The following IFT122 variants were observed in gnomAD, a reference collection of about 807,000 sequenced individuals.
IFT122 encodes intraflagellar transport protein 122 homolog.
IFT122 carries 118 observed loss-of-function variants against 161.6 expected under a neutral mutation model. The ratio of observed to expected loss-of-function variants is 0.73; its 90% CI spans 0.63 to 0.85. The LOEUF (loss-of-function observed/expected upper bound fraction) is 0.85. Ranked by LOEUF, IFT122 falls within the 40% of genes least tolerant of loss-of-function variation. The pLI is 0.00. For synonymous variants in IFT122, 550 were observed against 602.4 expected, an observed-to-expected ratio of 0.91 and a Z score of 1.27; for missense variants, 1,381 against 1,579.6, an observed-to-expected ratio of 0.87 and a Z score of 2.13.
At chr3:129,516,001 C>CGCACACACAGACTGCCCCT (rs1239556514) in intron 26 of IFT122, among the ~76,000 whole-genome samples, 8 of 151,784 alleles carry the variant, frequency 5.3e-5, no homozygotes, top group African/African-American at 1.9e-4. Context: ...CAGACACACA[C>CGCACACACAGACTGCCCCT]GCACACACAG....
intron 4 of IFT122, among the ~76,000 whole-genome samples, chr3:129,459,683 TTCTTCCTTCCTTC>T: frequency 5.0e-5 from 1 of 20,140 alleles, no homozygotes; most frequent in South Asian, 3.1e-3. Context: ...CCTCCCTCCC[TTCTTCCTTCCTTC>T]CTTCCTTCCT....
At chr3:129,480,016 C>G in intron 13 of IFT122, 94 bp downstream of exon 13, 1 of 1,480,642 alleles carries the variant, frequency 6.8e-7, no homozygotes, top group Admixed American at 1.7e-5. Context: ...GTTCTCAGGG[C>G]AGGAAAAGGG....
chr3:129,453,029 A>G (rs1577252296), intron 3 of IFT122, among the ~76,000 whole-genome samples: 1 of 152,232 alleles, frequency 6.6e-6, no homozygotes, highest in African/African-American at 2.4e-5. Flanking sequence ...CCCCACTGAG[A>G]TGGAAAAGAC....
In IFT122 at chr3:129,520,120, C is replaced by T. The variant is rs371754567; in HGVS notation, c.3637-56C>T. ...AGAGGCAGTGCGTCCTGGCCCCAGG[C>T]GTAGGGCTGATGAGCACTAGGGCTT... On this transcript the variant is annotated intron_variant, in intron 29 of 29. Transcript: ENST00000348417. 4.1e-5 allele frequency: 59 copies of T among 1,441,656 alleles called. 1 individual carries two copies. In the Middle Eastern group the frequency reaches 7.1e-4, roughly 17 times the overall value. 89.3% of individuals were successfully genotyped at this position (1,441,656 alleles called of 1,614,324 possible). A position where few individuals can be genotyped will look rare whatever the true frequency, so the allele number is the denominator to read the frequency against.
intron 27 of IFT122, among the ~76,000 whole-genome samples, chr3:129,518,735 A>G (rs1340914422): frequency 1.3e-5 from 2 of 152,160 alleles, no homozygotes; most frequent in Non-Finnish European, 2.9e-5. Context: ...CCCTGGGGTC[A>G]GCAGGGACTC....
chr3:129,499,826 C>G, intron 18 of IFT122, 76 bp from the exon 19 acceptor site: 1 of 1,579,348 alleles, frequency 6.3e-7, no homozygotes, highest in Non-Finnish European at 8.7e-7. Flanking sequence ...CCCGCCCTTG[C>G]TGCTAGAAAA....
At chr3:129,467,100 GT>G (rs1311376602) in intron 8 of IFT122, 34 bp downstream of exon 8, 1 of 1,600,194 alleles carries the variant, frequency 6.2e-7, no homozygotes, top group Non-Finnish European at 8.5e-7. Flanking sequence ...AACCCTTCTG[GT>G]AAGGGCCCAG....
At chr3:129,468,491 C>T (rs752080750) in intron 8 of IFT122, among the ~76,000 whole-genome samples, 3 of 152,152 alleles carry the variant, frequency 2.0e-5, no homozygotes, top group Admixed American at 6.5e-5. Context: ...ATTACAGACA[C>T]GCGACACCAC....
At chr3:129,464,565 A>G (rs1034198391) in intron 6 of IFT122, 70 bp from the exon 7 acceptor site, 20 of 1,587,854 alleles carry the variant, frequency 1.3e-5, no homozygotes, top group Non-Finnish European at 1.7e-5. Flanking sequence ...CCAAGGCATC[A>G]TCCTCACTAG....
intron 19 of IFT122, among the ~76,000 whole-genome samples, chr3:129,501,479 G>A (rs1339933759): frequency 1.3e-5 from 2 of 152,158 alleles, no homozygotes; most frequent in East Asian, 1.9e-4. Flanking sequence ...TTTCTTGTCC[G>A]ATAGTAATTT....
intron 21 of IFT122, among the ~76,000 whole-genome samples, chr3:129,504,726 C>T (rs551018528): frequency 3.9e-5 from 6 of 152,328 alleles, no homozygotes; most frequent in African/African-American, 1.4e-4. Flanking sequence ...GTTTAATCCT[C>T]GCAACAGCCC....
At chr3:129,498,107 C>T (rs1457234646) in intron 18 of IFT122, among the ~76,000 whole-genome samples, 1 of 152,220 alleles carries the variant, frequency 6.6e-6, no homozygotes, top group African/African-American at 2.4e-5. Flanking sequence ...TAATGTGTAA[C>T]TTAGCTTCAG....
chr3:129,480,097 G>C (rs1189021794), intron 13 of IFT122, among the ~76,000 whole-genome samples, 175 bp downstream of exon 13: 2 of 152,200 alleles, frequency 1.3e-5, no homozygotes, highest in Non-Finnish European at 2.9e-5. Context: ...CAGGCCAAAG[G>C]TGCTGTGGCC....
At chr3:129,494,915 A>C (rs2080657013) in intron 17 of IFT122, among the ~76,000 whole-genome samples, 1 of 152,164 alleles carries the variant, frequency 6.6e-6, no homozygotes, top group Non-Finnish European at 1.5e-5. Flanking sequence ...GTGTGTATAA[A>C]GTATATACCC....
chr3:129,443,904 G>A (rs1285131057), intron 1 of IFT122, among the ~76,000 whole-genome samples: 2 of 152,296 alleles, frequency 1.3e-5, no homozygotes, highest in East Asian at 3.9e-4. Context: ...AAATGATTTT[G>A]TGATAATTCA....
In IFT122 at chr3:129,481,545, G is replaced by A. The variant is rs756772676; in HGVS notation, c.1504G>A (p.Val502Met). 1.8e-5 allele frequency: 28 copies of A among 1,579,898 alleles called. No homozygotes were observed. The highest frequency in any genetic ancestry group is 1.7e-4 in the Middle Eastern group (1 of 5,980). Residue 502 changes from valine (V) to methionine (M), a missense_variant, in exon 14 of 30, where the codon GTG (valine) becomes ATG (methionine). This residue lies in a region of IFT122 where 544 missense variants were observed against 648.0 expected (regional missense o/e 0.84). Transcript: ENST00000348417. The stretch of plus-strand genomic sequence containing the variant: ...ATTTTGCCAGATCCTGAAGATCTTC[G>A]TGGACAATCTCTTTGCTATCGTCCT... ...LKNGQILKIF[V>M]DNLFAIVLLK...
intron 9 of IFT122, among the ~76,000 whole-genome samples, chr3:129,475,702 T>G (rs1307039906): frequency 6.6e-6 from 1 of 151,814 alleles, no homozygotes; most frequent in Non-Finnish European, 1.5e-5. Context: ...TGGTCCCAGC[T>G]ACTTAGGAGG....
At chr3:129,500,968 G>A (rs1379937878) in intron 19 of IFT122, among the ~76,000 whole-genome samples, 1 of 152,180 alleles carries the variant, frequency 6.6e-6, no homozygotes, top group Non-Finnish European at 1.5e-5. Flanking sequence ...AAGTAGCAGT[G>A]TTAGAACCAA....
At chr3:129,481,311 T>C in intron 13 of IFT122, 1 of 542,958 alleles carries the variant, frequency 1.8e-6, no homozygotes, top group Non-Finnish European at 3.4e-6. Context: ...CTGTCATTAC[T>C]TCTGCAGCCT....
Sources: gnomAD v4.1 joint callset for allele counts (sites outside exome capture counted in the v4.1 genomes callset) on GRCh38, gnomAD v4.1.1 for gene constraint, gnomAD v4.1.1 regional missense constraint, MANE v1.5 for transcripts, NCBI Gene and HGNC (gene_info 2026-07-23, HGNC 2026-07-21) for gene names.